Variants in MGAM observed in about 807,000 individuals in gnomAD.
MGAM encodes the protein maltase-glucoamylase, also known as alpha-1,4-glucosidase.
A neutral mutation model predicts 358.8 loss-of-function variants in MGAM; 253 were observed. That is an observed-to-expected ratio of 0.71 (90% confidence interval 0.64 to 0.78). The LOEUF is 0.78. Ranked by LOEUF, MGAM falls within the 30% of genes least tolerant of loss-of-function variation. MGAM has a pLI of 0.00. For synonymous variants in MGAM, 1,105 were observed against 1,227.1 expected (o/e 0.90, Z 2.08); for missense variants, 3,080 against 3,432.6 (o/e 0.90, Z 2.57).
intron 21 of MGAM, 108 bp downstream of exon 21, chr7:142,040,954 C>A: frequency 1.5e-6 from 2 of 1,342,812 alleles, no homozygotes; most frequent in Non-Finnish European, 2.0e-6. Flanking sequence ...TTTGGTTTGG[C>A]CACGACTGTT....
chr7:142,055,867 T>C (rs1811472287), intron 28 of MGAM, 133 bp from the exon 29 acceptor site: 1 of 1,458,360 alleles, frequency 6.9e-7, no homozygotes, highest in Non-Finnish European at 9.3e-7. Flanking sequence ...GCTCCTTTGT[T>C]TCATGTGTTT....
rs369372605 is a variant in MGAM at position 142,052,898 on chromosome 7, G to A, written c.3073G>A (p.Val1025Ile). ...ATADISLKSS[V>I]YANAFPSTPV... is the part of the protein sequence containing the mutation. ...AGCTGACATCTCCTTAAAGTCTTCC[G>A]TTTATGCCAATGCCTTCCCCTCCAC... The change falls in exon 26 of 71, where the codon GTT (valine) becomes ATT (isoleucine). Residue 1025 changes from valine (V) to isoleucine (I), a missense_variant. Physicochemically the swap from Val to Ile is conservative, Grantham distance 29. Coordinates refer to ENST00000475668, the MANE Select transcript of MGAM (RefSeq NM_001365693.1). The A allele has an allele frequency of 4.3e-4, 686 of 1,613,666 alleles. No homozygotes were observed. The highest frequency in any genetic ancestry group is 5.5e-4 in the Non-Finnish European group (650 of 1,179,832).
intron 1 of MGAM, among the ~76,000 whole-genome samples, chr7:142,001,251 T>C (rs2128978111): frequency 6.6e-6 from 1 of 152,326 alleles, no homozygotes; most frequent in African/African-American, 2.4e-5. Context: ...AAAGGTTGCT[T>C]TCACAGCTCC....
At position 142,075,831 on chromosome 7, in the gene MGAM, G is replaced by A. The variant is rs1043710318; in HGVS notation, c.5276-372G>A. 2.3e-4 allele frequency among the ~76,000 whole-genome samples: 33 copies of A among 145,940 alleles called. 5 individuals carry two copies. The highest frequency in any genetic ancestry group is 4.7e-5 in the Non-Finnish European group (3 of 64,438). On this transcript the variant is annotated intron_variant, in intron 45 of 70. Coordinates refer to ENST00000475668, the MANE Select transcript of MGAM (RefSeq NM_001365693.1). ...GAAAATAGAATTTTTTAGACTGTTG[G>A]TGGGACTGTAAATTGTTACAACCAT...
Position 142,088,782 on chromosome 7 carries a change from TA to T in MGAM, c.6810+2066del, listed in dbSNP as rs1563214234. Reference sequence around the variant, plus strand: ...CTATCTATCTATCTATCTATCTATCTATCTATCTATCTATCTATCATTCTAT... The same window carrying T: ...CTATCTATCTATCTATCTATCTATCTTCTATCTATCTATCTATCATTCTAT... On this transcript the variant is annotated intron_variant, in intron 57 of 70. Coordinates refer to ENST00000475668, the MANE Select transcript of MGAM (RefSeq NM_001365693.1). Among the ~76,000 whole-genome samples the T allele has an allele frequency of 1.2e-4, 15 of 129,144 alleles. 3 individuals are homozygous for T. Among genetic ancestry groups the T allele is most frequent in the Non-Finnish European group, 2.3e-4 (13 of 56,772 alleles). The allele number at this position is 129,144 out of a possible 152,430, so 84.7% of individuals were successfully genotyped here. A position where few individuals can be genotyped will look rare whatever the true frequency, so the allele number is the denominator to read the frequency against.
chr7:142,097,680 G>T (rs1050694043), intron 66 of MGAM, 31 bp downstream of exon 66: 1 of 1,574,854 alleles, frequency 6.3e-7, no homozygotes, highest in Non-Finnish European at 8.7e-7. Context: ...ATACAACACG[G>T]GAAAATGGTA....
Position 142,090,311 on chromosome 7 carries a change from C to T in MGAM, c.6811-1602C>T, listed in dbSNP as rs4236463. ...CGTGTACCCCATATGGGATACAATT[C>T]TGACTCAGCTGTGGCTGATAATCTC... On this transcript the variant is annotated intron_variant, in intron 57 of 70. Transcript: ENST00000475668. Among the ~76,000 whole-genome samples, 162 of 144,794 alleles carry T rather than the reference C, an allele frequency of 1.1e-3. 4 individuals carry two copies. Among genetic ancestry groups the T allele is most frequent in the African/African-American group, 3.8e-3 (157 of 41,014 alleles). The allele number at this position is 144,794 out of a possible 152,430, so 95.0% of individuals were successfully genotyped here.
chr7:142,006,242 T>C (rs1462825434), intron 2 of MGAM, among the ~76,000 whole-genome samples: 2 of 151,984 alleles, frequency 1.3e-5, no homozygotes, highest in Non-Finnish European at 2.9e-5. Context: ...ATTAGGAAAC[T>C]AAAAGAAGTC....
chr7:142,030,923 C>T (rs1807430466), intron 12 of MGAM, among the ~76,000 whole-genome samples, 166 bp downstream of exon 12: 1 of 151,932 alleles, frequency 6.6e-6, no homozygotes, highest in South Asian at 2.1e-4. Flanking sequence ...TGCCCAAGTG[C>T]AAGCCGGCCA....
At chr7:142,057,962 T>C (rs1407300578) in intron 30 of MGAM, among the ~76,000 whole-genome samples, 3 of 152,150 alleles carry the variant, frequency 2.0e-5, no homozygotes, top group Admixed American at 1.3e-4. Context: ...TAACCAGTTA[T>C]CTACAGTGTC....
At chr7:141,990,224 C>T (rs782233176) in intron 2 of MGAM, among the ~76,000 whole-genome samples, 4 of 152,216 alleles carry the variant, frequency 2.6e-5, no homozygotes, top group Non-Finnish European at 5.9e-5. Flanking sequence ...ACAATTACAA[C>T]ACACATAGAA....
At chr7:142,037,423 T>C (rs10243556) in intron 18 of MGAM, among the ~76,000 whole-genome samples, 10,642 of 152,242 alleles carry the variant, frequency 0.07, 1,226 homozygotes, top group African/African-American at 0.24. Context: ...GAGGATATTA[T>C]AAAGGATTTG....
chr7:142,013,529 A>T (rs1228800261), intron 3 of MGAM, among the ~76,000 whole-genome samples: 1 of 152,128 alleles, frequency 6.6e-6, no homozygotes, highest in Non-Finnish European at 1.5e-5. Flanking sequence ...GGCGCCTGTA[A>T]TCTTATCAGT....
intron 1 of MGAM, among the ~76,000 whole-genome samples, chr7:141,997,276 C>CAGTA (rs1804325183): frequency 1.3e-5 from 2 of 151,960 alleles, no homozygotes; most frequent in Admixed American, 1.3e-4. Context: ...TGGTGTGGGA[C>CAGTA]AGTAAGTGTA....
intron 2 of MGAM, among the ~76,000 whole-genome samples, chr7:141,990,275 G>C (rs1803887692): frequency 6.6e-6 from 1 of 151,690 alleles, no homozygotes; most frequent in Admixed American, 6.6e-5. Flanking sequence ...TGATTCACAT[G>C]CATTATTTCA....
intron 58 of MGAM, 126 bp from the exon 59 acceptor site, chr7:142,092,395 C>T: frequency 1.0e-6 from 1 of 1,001,724 alleles, no homozygotes. Flanking sequence ...TTTGATGAAG[C>T]TCCCAGGGCT....
rs1554458899 is a variant in MGAM, at chr7:142,021,674, A to G, written c.647A>G (p.Gln216Arg). The G allele has an allele frequency of 6.2e-7, 1 of 1,613,974 alleles. No individual in the cohort carries two copies. Among genetic ancestry groups the G allele is most frequent in the Non-Finnish European group, 8.5e-7 (1 of 1,179,838 alleles). The change falls in exon 6 of 71, where the codon CAA becomes CGA. Residue 216 changes from glutamine (Q) to arginine (R), a missense_variant. Transcript: ENST00000475668. ...SGNAAASLTY[Q>R]VEISRQPFSI... Reference sequence around the variant, plus strand: ...AATGCTGCTGCTTCTTTGACCTACCAAGTTGAAATCTCCAGACAGCCATTT... The same window carrying G: ...AATGCTGCTGCTTCTTTGACCTACCGAGTTGAAATCTCCAGACAGCCATTT...
chr7:142,054,684 A>C, intron 26 of MGAM, 70 bp from the exon 27 acceptor site: 1 of 1,508,906 alleles, frequency 6.6e-7, no homozygotes, highest in East Asian at 2.3e-5. Flanking sequence ...CCAAAAATCA[A>C]AAAGGTTCTG....
chr7:142,099,580 C>T, intron 66 of MGAM, 33 bp from the exon 67 acceptor site: 1 of 1,613,682 alleles, frequency 6.2e-7, no homozygotes. Flanking sequence ...CCTGTCCTCT[C>T]CTTAGTCATC....
Sources: allele counts gnomAD v4.1 joint callset (sites outside exome capture counted in the v4.1 genomes callset), GRCh38; gene constraint gnomAD v4.1.1; transcripts MANE v1.5; gene names NCBI Gene and HGNC (gene_info 2026-07-23, HGNC 2026-07-21).